Variants in CLCN3 observed in about 807,000 individuals in gnomAD.
CLCN3 encodes H(+)/Cl(-) exchange transporter 3.
A neutral mutation model predicts 83.4 loss-of-function variants in CLCN3; 16 were observed. The ratio of observed to expected loss-of-function variants is 0.19; its 90% CI spans 0.13 to 0.29. The LOEUF (loss-of-function observed/expected upper bound fraction) is 0.29. Among genes scored for constraint, CLCN3 ranks in the 10% least tolerant of loss-of-function variants. The probability of loss-of-function intolerance (pLI) is 1.00; values close to 1 mark genes in which losing one functional copy is unlikely to be tolerated. For missense variants in CLCN3, 544 were observed against 1,006.0 expected (o/e 0.54, Z 6.21); for synonymous variants, 322 against 346.2 (o/e 0.93, Z 0.78).
chr4:169,721,508 C>T lies in CLCN3; in HGVS notation c.*1511C>T, dbSNP rs191813335. ...ACTACATTACTTTGGAGAATAAAACCGAAAGTTCGTGTATACCTTCTTAAA... is the reference window on the plus strand; with the variant it reads ...ACTACATTACTTTGGAGAATAAAACTGAAAGTTCGTGTATACCTTCTTAAA... On this transcript the variant is annotated 3_prime_UTR_variant, in exon 13 of 13. Coordinates refer to ENST00000513761, the MANE Select transcript of CLCN3 (RefSeq NM_001829.4). 1.3e-4 allele frequency: 20 copies of T among 151,302 alleles called. No homozygotes were observed. Among genetic ancestry groups the T allele is most frequent in the African/African-American group, 4.2e-4 (17 of 40,900 alleles). The allele number at this position is 151,302 out of a possible 1,614,324, so 9.4% of individuals were successfully genotyped here.
intron 12 of CLCN3, among the ~76,000 whole-genome samples, chr4:169,713,532 T>C (rs1733306520): frequency 6.6e-6 from 1 of 152,208 alleles, no homozygotes; most frequent in South Asian, 2.1e-4. Flanking sequence ...TACCTCAAAG[T>C]TGGAAAAGAG....
chr4:169,636,735 G>GTTGTTTTT (rs1553965336), intron 2 of CLCN3, among the ~76,000 whole-genome samples: 14 of 119,516 alleles, frequency 1.2e-4, no homozygotes, highest in African/African-American at 3.6e-4. Flanking sequence ...TCATTATTTG[G>GTTGTTTTT]TTTTTTTTTT....
Position 169,692,236 on chromosome 4 carries a change from C to T in CLCN3, c.852C>T (p.Pro284=), listed in dbSNP as rs1732399761. The part of the protein sequence containing the change: ...ASGLSLGKEG[P]LVHVACCCGN... ...GTTTGAGTTTAGGAAAAGAAGGTCC[C>T]CTGGTACATGTTGCCTGTTGCTGCG... is the stretch of plus-strand genomic sequence containing the variant. The change falls in exon 7 of 13, where the codon CCC becomes CCT. Residue 284 remains proline, a synonymous_variant. Coordinates refer to ENST00000513761, the MANE Select transcript of CLCN3 (RefSeq NM_001829.4). The T allele has an allele frequency of 6.2e-7, 1 of 1,613,404 alleles. No individual in the cohort carries two copies.
intron 9 of CLCN3, among the ~76,000 whole-genome samples, chr4:169,702,616 CA>C (rs536083740): frequency 6.6e-6 from 1 of 151,406 alleles, no homozygotes; most frequent in Non-Finnish European, 1.5e-5. Context: ...TGATTACTCT[CA>C]AAAAAAAGTC....
chr4:169,707,830 T>G (rs1733052449), intron 11 of CLCN3, among the ~76,000 whole-genome samples: 1 of 152,254 alleles, frequency 6.6e-6, no homozygotes. Context: ...AGTCCTGTTG[T>G]GTTTTATGCA....
intron 2 of CLCN3, chr4:169,663,579 A>G (rs1041688445): frequency 3.4e-5 from 14 of 406,958 alleles, no homozygotes; most frequent in Admixed American, 2.8e-4. Context: ...GGCTCAAGCA[A>G]CCCTCCTGCC....
At chr4:169,663,330 T>G (rs1354680991) in intron 2 of CLCN3, among the ~76,000 whole-genome samples, 1 of 151,084 alleles carries the variant, frequency 6.6e-6, no homozygotes, top group Non-Finnish European at 1.5e-5. Context: ...GTTGTTGTTG[T>G]TGTTGTTGTT....
chr4:169,702,608 A>T (rs1179497259), intron 9 of CLCN3, among the ~76,000 whole-genome samples: 1 of 151,986 alleles, frequency 6.6e-6, no homozygotes, highest in Non-Finnish European at 1.5e-5. Flanking sequence ...AAAGTCTTTG[A>T]TTACTCTCAA....
At chr4:169,635,079 T>C (rs1773469783) in intron 1 of CLCN3, among the ~76,000 whole-genome samples, 1 of 152,186 alleles carries the variant, frequency 6.6e-6, no homozygotes, top group African/African-American at 2.4e-5. Context: ...ATCACTGGAA[T>C]TGAACTGTGC....
intron 2 of CLCN3, among the ~76,000 whole-genome samples, chr4:169,670,659 A>G (rs563636432): frequency 7.9e-5 from 12 of 152,300 alleles, no homozygotes; most frequent in African/African-American, 2.6e-4. Flanking sequence ...AGGAAAGTCA[A>G]TGGTAGCTTG....
At position 169,723,033 on chromosome 4, in the gene CLCN3, G is replaced by T. The variant is rs1733688220; in HGVS notation, c.*3036G>T. The T allele has an allele frequency of 1.3e-5, 2 of 152,112 alleles. No homozygotes were observed. Among genetic ancestry groups the T allele is most frequent in the Non-Finnish European group, 2.9e-5 (2 of 68,024 alleles). 9.4% of individuals were successfully genotyped at this position (152,112 alleles called of 1,614,324 possible). ...TAATAATTAATTGTTTTCAGTTTTG[G>T]TTCACGAAGAATGCTTAGTTAATCT... On this transcript the variant is annotated 3_prime_UTR_variant, in exon 13 of 13. Coordinates refer to ENST00000513761, the MANE Select transcript of CLCN3 (RefSeq NM_001829.4).
chr4:169,631,786 A>G (rs374307378), intron 1 of CLCN3, among the ~76,000 whole-genome samples: 1 of 152,230 alleles, frequency 6.6e-6, no homozygotes, highest in East Asian at 1.9e-4. Context: ...CCCAGAGACT[A>G]TTATGAACAC....
intron 9 of CLCN3, among the ~76,000 whole-genome samples, chr4:169,703,647 G>A (rs1021524612): frequency 2.0e-5 from 3 of 148,940 alleles, no homozygotes; most frequent in African/African-American, 7.4e-5. Flanking sequence ...AGTATATATT[G>A]TATCCAGCAT....
chr4:169,636,028 G>A lies in CLCN3; in HGVS notation c.100G>A (p.Val34Ile). ...SDEELLDGAG[V>I]IMDFQTSEDD... ...TGAGGAACTTTTAGATGGAGCAGGT[G>A]TTATTATGGACTTTCAAACATCTGA... is the stretch of plus-strand genomic sequence containing the variant. Residue 34 changes from valine (V) to isoleucine (I), a missense_variant, in exon 2 of 13, where the codon GTT becomes ATT. Val to Ile is a conservative substitution (Grantham distance 29, BLOSUM62 3). Coordinates refer to ENST00000513761, the MANE Select transcript of CLCN3 (RefSeq NM_001829.4). 6.2e-7 allele frequency: 1 copy of A among 1,613,430 alleles called. No individual in the cohort carries two copies. Among genetic ancestry groups the A allele is most frequent in the South Asian group, 1.1e-5 (1 of 91,038 alleles).
At chr4:169,672,281 A>G (rs930101275) in intron 2 of CLCN3, among the ~76,000 whole-genome samples, 1 of 143,620 alleles carries the variant, frequency 7.0e-6, no homozygotes, top group Non-Finnish European at 1.6e-5. Context: ...CTGGGACTAC[A>G]GACGTGCACC....
chr4:169,687,962 C>T (rs1732226635), intron 4 of CLCN3, among the ~76,000 whole-genome samples: 2 of 152,158 alleles, frequency 1.3e-5, no homozygotes, highest in South Asian at 4.1e-4. Flanking sequence ...GTTTATCCAG[C>T]TTGGTTGATC....
rs1432022844 is a variant in CLCN3, at chr4:169,663,479, AAC to A, written c.161-16568_161-16567del. On this transcript the variant is annotated intron_variant, in intron 2 of 12. Transcript: ENST00000513761. The stretch of plus-strand genomic sequence containing the variant: ...TTGGTACCTGGGACTGCAGGCTTGC[AAC>A]ACCTTGCCTGGCTAATTTAAAAAAC... The A allele has an allele frequency of 1.1e-5, 3 of 279,214 alleles. No individual in the cohort carries two copies. The Admixed American group carries it at 1.5e-4, about 14-fold the overall frequency. The allele number at this position is 279,214 out of a possible 1,614,324, so 17.3% of individuals were successfully genotyped here.
rs576574301 is a variant in CLCN3, at chr4:169,630,589, G to A, written c.-16-5324G>A. ...TCTGTCGCCCAGGCTGGAGTGCAGTGGCACGATCTTGGCTCACTGCAAACT... is the reference window on the plus strand; with the variant it reads ...TCTGTCGCCCAGGCTGGAGTGCAGTAGCACGATCTTGGCTCACTGCAAACT... On this transcript the variant is annotated intron_variant, in intron 1 of 12. Coordinates refer to ENST00000513761, the MANE Select transcript of CLCN3 (RefSeq NM_001829.4). 8.6e-5 allele frequency among the ~76,000 whole-genome samples: 13 copies of A among 151,916 alleles called. No homozygotes were observed. The South Asian group carries it at 2.7e-3, about 32-fold the overall frequency.
intron 2 of CLCN3, among the ~76,000 whole-genome samples, chr4:169,677,622 A>G (rs11723728): frequency 0.036 from 5,525 of 152,312 alleles, 115 homozygotes; most frequent in Non-Finnish European, 0.052. Context: ...AGCTGCAAGA[A>G]AAAAACCTAG....
Sources: gnomAD v4.1 joint callset for allele counts (sites outside exome capture counted in the v4.1 genomes callset) on GRCh38, gnomAD v4.1.1 for gene constraint, MANE v1.5 for transcripts, NCBI Gene and HGNC (gene_info 2026-07-23, HGNC 2026-07-21) for gene names.